The following CLIP1 variants were observed in gnomAD, a reference collection of about 807,000 sequenced individuals.
The protein encoded by CLIP1 is CAP-Gly domain-containing linker protein 1.
In CLIP1, 66 loss-of-function variants were observed where a neutral mutation model predicts 161.6. That is an observed-to-expected ratio of 0.41 (90% CI 0.33 to 0.50). The LOEUF (loss-of-function observed/expected upper bound fraction) is 0.50, where lower values mean the gene tolerates loss of function less well. Among genes scored for constraint, CLIP1 ranks in the 20% least tolerant of loss-of-function variants. CLIP1 has a pLI of 0.27. For synonymous variants in CLIP1, 598 were observed against 626.2 expected, an observed-to-expected ratio of 0.96 and a Z score of 0.67; for missense variants, 1,376 against 1,702.0, an observed-to-expected ratio of 0.81 and a Z score of 3.37.
chr12:122,289,801 TAA>T (rs1956022290), intron 20 of CLIP1, among the ~76,000 whole-genome samples: 3 of 139,458 alleles, frequency 2.2e-5, no homozygotes, highest in African/African-American at 8.7e-5. Context: ...CTCACACTGT[TAA>T]TGTTTTTTTT....
At chr12:122,332,663 C>T (rs1042855130) in intron 15 of CLIP1, among the ~76,000 whole-genome samples, 8 of 152,108 alleles carry the variant, frequency 5.3e-5, no homozygotes, top group Non-Finnish European at 2.9e-5. Flanking sequence ...TCAAGTGATC[C>T]GCCCACCTCG....
At chr12:122,325,008 C>A (rs1333665674) in intron 17 of CLIP1, among the ~76,000 whole-genome samples, 1 of 151,530 alleles carries the variant, frequency 6.6e-6, no homozygotes, top group Middle Eastern at 3.4e-3. Context: ...ATAATTTGAC[C>A]ACAGTGTCTA....
chr12:122,378,439 A>G (rs1403058862), intron 2 of CLIP1, among the ~76,000 whole-genome samples: 1 of 152,192 alleles, frequency 6.6e-6, no homozygotes, highest in African/African-American at 2.4e-5. Context: ...GAAGCCAAGA[A>G]TAACTGATCC....
chr12:122,300,348 CAG>C (rs1434263369), intron 20 of CLIP1, among the ~76,000 whole-genome samples: 3 of 151,798 alleles, frequency 2.0e-5, no homozygotes, highest in African/African-American at 4.8e-5. Context: ...ATGAGAAGGA[CAG>C]AGAGGGGGAA....
chr12:122,403,397 G>C (rs1459024339), intron 1 of CLIP1, among the ~76,000 whole-genome samples: 1 of 151,406 alleles, frequency 6.6e-6, no homozygotes, highest in East Asian at 1.9e-4. Flanking sequence ...CAGAGACTGA[G>C]CTACCGATGA....
intron 3 of CLIP1, among the ~76,000 whole-genome samples, chr12:122,367,743 G>A (rs1387983584): frequency 6.6e-6 from 1 of 152,138 alleles, no homozygotes; most frequent in Non-Finnish European, 1.5e-5. Context: ...ACAAGGCCAG[G>A]TGCAGTGGCT....
intron 1 of CLIP1, among the ~76,000 whole-genome samples, chr12:122,409,762 C>T (rs912553335): frequency 2.6e-5 from 4 of 152,082 alleles, no homozygotes; most frequent in African/African-American, 9.7e-5. Flanking sequence ...GAACTCCTGA[C>T]CTCAGGTGAT....
chr12:122,276,631 T>G (rs1218732512), intron 24 of CLIP1: 3 of 406,482 alleles, frequency 7.4e-6, no homozygotes, highest in African/African-American at 6.3e-5. Flanking sequence ...GCAACTAACA[T>G]CTCAAGGTGA....
At chr12:122,347,533 A>G in intron 9 of CLIP1, 54 bp from the exon 10 acceptor site, 1 of 1,362,278 alleles carries the variant, frequency 7.3e-7, no homozygotes, top group Non-Finnish European at 1.0e-6. Flanking sequence ...ATGACATGCC[A>G]GCACGAGAGG....
In CLIP1 at chr12:122,271,590, T is replaced by C. The variant is rs1200982966; in HGVS notation, c.*1285A>G. 3.3e-5 allele frequency: 5 copies of C among 152,636 alleles called. No individual in the cohort carries two copies. The highest frequency in any genetic ancestry group is 1.2e-4 in the African/African-American group (5 of 41,444). 9.5% of individuals were successfully genotyped at this position (152,636 alleles called of 1,614,324 possible). On this transcript the variant is annotated 3_prime_UTR_variant, in exon 26 of 26. Coordinates refer to ENST00000620786, the MANE Select transcript of CLIP1 (RefSeq NM_001247997.2). ...TGAATATTCACTGTCGAACACACAG[T>C]TGATAATCTTGAGGGGAAAATACAT...
chr12:122,327,928 A>G lies in CLIP1; in HGVS notation c.3249+19T>C, dbSNP rs1951769779. 1 of 1,611,440 alleles carries G rather than the reference A, an allele frequency of 6.2e-7. No homozygotes were observed. Among genetic ancestry groups the G allele is most frequent in the Non-Finnish European group, 8.5e-7 (1 of 1,178,468 alleles). ...CTCAGGCAAGCTACAACACAAGGAA[A>G]TTCTCTCGCGTCACGTACTTTGGCT... On this transcript the variant is annotated intron_variant, in intron 17 of 25. Transcript: ENST00000620786.
In CLIP1 at chr12:122,299,744, G is replaced by A. The variant is rs1032683626; in HGVS notation, c.3594+10018C>T. Among the ~76,000 whole-genome samples the A allele has an allele frequency of 3.3e-5, 5 of 150,310 alleles. No individual in the cohort carries two copies. In the Admixed American group the frequency reaches 3.3e-4, roughly 10 times the overall value. On this transcript the variant is annotated intron_variant, in intron 20 of 25. Coordinates refer to ENST00000620786, the MANE Select transcript of CLIP1 (RefSeq NM_001247997.2). ...ATCCTGGCTAGCACGGTGAAACCCCGTCTCTACTAAAAATACAAAAAATTA... is the reference window on the plus strand; with the variant it reads ...ATCCTGGCTAGCACGGTGAAACCCCATCTCTACTAAAAATACAAAAAATTA...
chr12:122,410,584 G>A lies in CLIP1; in HGVS notation c.-107+11937C>T, dbSNP rs182900482. Among the ~76,000 whole-genome samples the A allele has an allele frequency of 3.5e-3, 521 of 150,450 alleles. 1 individual carries two copies. The highest frequency in any genetic ancestry group is 7.0e-3 in the Middle Eastern group (2 of 284). On this transcript the variant is annotated intron_variant, in intron 1 of 25. Transcript: ENST00000620786. ...AGCGATTCTCCTGCCTCAGCCTCCC[G>A]AGTAGCTGGGATTACAGGCACGTGC... is the stretch of plus-strand genomic sequence containing the variant.
In CLIP1 at chr12:122,305,406, A is replaced by G. The variant is rs1324441104; in HGVS notation, c.3594+4356T>C. ...TGATAGTGCCACTGCTCTCCAGCCC[A>G]GGCTACAAAGTGAGACTCTGTCTCT... On this transcript the variant is annotated intron_variant, in intron 20 of 25. Coordinates refer to ENST00000620786, the MANE Select transcript of CLIP1 (RefSeq NM_001247997.2). Among the ~76,000 whole-genome samples, 5 of 152,330 alleles carry G rather than the reference A, an allele frequency of 3.3e-5. No homozygotes were observed. In the South Asian group the frequency reaches 1.0e-3, roughly 32 times the overall value.
intron 7 of CLIP1, among the ~76,000 whole-genome samples, chr12:122,353,777 C>T (rs1953175655): frequency 6.6e-6 from 1 of 151,704 alleles, no homozygotes; most frequent in Admixed American, 6.6e-5. Flanking sequence ...ATTACAGGCG[C>T]CCGCCAACAG....
rs766333607 is a variant in CLIP1 at position 122,278,800 on chromosome 12, C to T, written c.3908G>A (p.Ser1303Asn). The part of the protein sequence containing the change: ...QLKENKRQLS[S>N]SSGNTDTQAD... Reference sequence around the variant, plus strand: ...GGGCAGGCGCCCTTTACCTGAGGAGCTGCTGAGCTGCCTCTTGTTTTCTTT... The same window carrying T: ...GGGCAGGCGCCCTTTACCTGAGGAGTTGCTGAGCTGCCTCTTGTTTTCTTT... The change falls in exon 23 of 26, where the codon AGC (serine) becomes AAC (asparagine). Residue 1303 changes from serine (S) to asparagine (N), a missense_variant. Ser to Asn is a conservative substitution (Grantham distance 46, BLOSUM62 1). Coordinates refer to ENST00000620786, the MANE Select transcript of CLIP1 (RefSeq NM_001247997.2). 4 of 1,598,756 alleles carry T rather than the reference C, an allele frequency of 2.5e-6. No homozygotes were observed. The highest frequency in any genetic ancestry group is 2.6e-6 in the Non-Finnish European group (3 of 1,173,384).
In CLIP1 at chr12:122,311,198, T is replaced by C. The variant is rs1457784082; in HGVS notation, c.3474-1316A>G. On this transcript the variant is annotated intron_variant, in intron 19 of 25. Transcript: ENST00000620786. This position sits in a 1 kb window ranked among gnomAD's most constrained non-coding sequence, Gnocchi z 4.3. Reference sequence around the variant, plus strand: ...ATCTTTGACAAATCAAATTTCCTTATGGTAAAATTACCATAAGCTAAACAT... The same window carrying C: ...ATCTTTGACAAATCAAATTTCCTTACGGTAAAATTACCATAAGCTAAACAT... 6.6e-6 allele frequency among the ~76,000 whole-genome samples: 1 copy of C among 152,118 alleles called. No homozygotes were observed. The highest frequency in any genetic ancestry group is 2.4e-5 in the African/African-American group (1 of 41,422).
rs1343935223 is a variant in CLIP1, at chr12:122,370,957, CAAAAAAAAAAAAG to C, written c.657+6419_657+6431del. Among the ~76,000 whole-genome samples, 6 of 67,570 alleles carry C rather than the reference CAAAAAAAAAAAAG, an allele frequency of 8.9e-5. No individual in the cohort carries two copies. In the East Asian group the frequency reaches 3.0e-3, roughly 33 times the overall value. The allele number at this position is 67,570 out of a possible 152,430, so 44.3% of individuals were successfully genotyped here. On this transcript the variant is annotated intron_variant, in intron 3 of 25. Coordinates refer to ENST00000620786, the MANE Select transcript of CLIP1 (RefSeq NM_001247997.2). ...TGGGCAACAGAGCAGGACTCTGTCT[CAAAAAAAAAAAAG>C]AAAAAAAAAAAAATCACCTCTTCTA...
chr12:122,412,674 A>G (rs545573491), intron 1 of CLIP1, among the ~76,000 whole-genome samples: 27 of 152,162 alleles, frequency 1.8e-4, no homozygotes, highest in Admixed American at 4.6e-4. Flanking sequence ...AAAAAAAACC[A>G]AAGTACATAC....
Sources: gnomAD v4.1 joint callset for allele counts (sites outside exome capture counted in the v4.1 genomes callset) on GRCh38, gnomAD v4.1.1 for gene constraint, Gnocchi (gnomAD v3.1) non-coding constraint, MANE v1.5 for transcripts, NCBI Gene and HGNC (gene_info 2026-07-23, HGNC 2026-07-21) for gene names.